SYNE1: variants seen among roughly 807,000 people sequenced by gnomAD.
SYNE1 encodes the protein nesprin-1.
A neutral mutation model predicts 1,111.0 loss-of-function variants in SYNE1; 616 were observed. The observed-to-expected ratio is 0.55, with a 90% confidence interval of 0.52 to 0.59. The LOEUF is 0.59. SYNE1 is among the 20% of genes least tolerant of loss of function. The pLI is 0.00. For missense variants in SYNE1, 10,006 were observed against 10,417.0 expected (o/e 0.96, Z 1.72); for synonymous variants, 3,855 against 3,825.8 (o/e 1.01, Z -0.28).
At chr6:152,301,619 G>T (rs1157423752) in intron 92 of SYNE1, among the ~76,000 whole-genome samples, 1 of 152,194 alleles carries the variant, frequency 6.6e-6, no homozygotes, top group Non-Finnish European at 1.5e-5. Context: ...AACAAATACA[G>T]GGTAGACCTC....
intron 129 of SYNE1, among the ~76,000 whole-genome samples, chr6:152,177,875 T>C (rs1006824073): frequency 2.6e-5 from 4 of 152,214 alleles, no homozygotes; most frequent in African/African-American, 7.2e-5. Flanking sequence ...CAGACACTAA[T>C]ATCTTGGCTT....
intron 3 of SYNE1, among the ~76,000 whole-genome samples, chr6:152,543,041 G>C (rs893982379): frequency 6.6e-6 from 1 of 151,938 alleles, no homozygotes; most frequent in Non-Finnish European, 1.5e-5. Context: ...TATATAATCT[G>C]ATGATATATT....
intron 27 of SYNE1, 25 bp downstream of exon 27, chr6:152,450,597 CCCT>C (rs756862182): frequency 2.5e-6 from 4 of 1,579,906 alleles, no homozygotes; most frequent in Non-Finnish European, 3.5e-6. Flanking sequence ...TTGACTACAC[CCCT>C]CTCTGGAGGC....
intron 95 of SYNE1, among the ~76,000 whole-genome samples, chr6:152,288,588 C>G (rs2094444451): frequency 6.6e-6 from 1 of 152,104 alleles, no homozygotes. Flanking sequence ...GCTCTGTCAC[C>G]CAGGCTGGAG....
intron 10 of SYNE1, among the ~76,000 whole-genome samples, chr6:152,501,700 A>C (rs1223399623): frequency 4.0e-5 from 6 of 151,590 alleles, no homozygotes; most frequent in Middle Eastern, 6.8e-3. Flanking sequence ...GTGCTACTGC[A>C]CTCCAGCCTG....
intron 137 of SYNE1, 180 bp downstream of exon 137, chr6:152,147,865 A>G: frequency 1.6e-6 from 1 of 637,760 alleles, no homozygotes; most frequent in South Asian, 1.9e-5. Context: ...GGAATAAATC[A>G]ACGGCCACAC....
At chr6:152,445,259 G>A (rs1218846723) in intron 29 of SYNE1, among the ~76,000 whole-genome samples, 1 of 151,962 alleles carries the variant, frequency 6.6e-6, no homozygotes, top group East Asian at 1.9e-4. Flanking sequence ...GAAAACATTT[G>A]TAGAGTTGAA....
At chr6:152,631,254 C>T (rs748314546) in intron 2 of SYNE1, among the ~76,000 whole-genome samples, 11 of 152,084 alleles carry the variant, frequency 7.2e-5, no homozygotes, top group South Asian at 4.2e-4. Context: ...GTGAAACATA[C>T]GAAAGACACA....
At chr6:152,593,590 A>G (rs888457190) in intron 3 of SYNE1, among the ~76,000 whole-genome samples, 8 of 152,076 alleles carry the variant, frequency 5.3e-5, no homozygotes, top group African/African-American at 1.9e-4. Flanking sequence ...AAAAAAAAAA[A>G]TGACATAGCT....
At chr6:152,482,654 T>A (rs2098913768) in intron 14 of SYNE1, among the ~76,000 whole-genome samples, 1 of 152,092 alleles carries the variant, frequency 6.6e-6, no homozygotes, top group Non-Finnish European at 1.5e-5. Flanking sequence ...CACCACTTCC[T>A]ACAGCCTCCA....
chr6:152,152,045 A>T lies in SYNE1; in HGVS notation c.24226T>A (p.Cys8076Ser), dbSNP rs756023993. 6.2e-7 allele frequency: 1 copy of T among 1,614,076 alleles called. No homozygotes were observed. ...LARENRTDSA[C>S]SLKQMVHEGN... ...TCGTGAACCATCTGTTTGAGGCTAC[A>T]TGCTGAATCAGTGCGGTTCTCCCTG... Residue 8076 changes from cysteine to serine, a missense_variant, in exon 134 of 146, where the codon TGT (cysteine) becomes AGT (serine). Coordinates refer to ENST00000367255, the MANE Select transcript of SYNE1 (RefSeq NM_182961.4).
intron 16 of SYNE1, among the ~76,000 whole-genome samples, chr6:152,468,658 G>T (rs2098786023): frequency 6.6e-6 from 1 of 152,140 alleles, no homozygotes; most frequent in Non-Finnish European, 1.5e-5. Context: ...TTGCAGGACG[G>T]ATAAGTCTGA....
intron 3 of SYNE1, among the ~76,000 whole-genome samples, chr6:152,595,745 T>G (rs1288483303): frequency 6.6e-6 from 1 of 152,138 alleles, no homozygotes; most frequent in African/African-American, 2.4e-5. Context: ...CTGGAAACTT[T>G]ACAGCAGCAG....
At chr6:152,377,604 G>A (rs532269225) in intron 56 of SYNE1, among the ~76,000 whole-genome samples, 12 of 60,750 alleles carry the variant, frequency 2.0e-4, no homozygotes, top group Admixed American at 2.9e-4. Context: ...ACGAAACTCC[G>A]TCTTAAAAAA....
Position 152,488,385 on chromosome 6 carries a change from C to G in SYNE1, c.1047+11G>C, listed in dbSNP as rs1177676330. 1.4e-6 allele frequency: 2 copies of G among 1,463,062 alleles called. No individual in the cohort carries two copies. Among genetic ancestry groups the G allele is most frequent in the Admixed American group, 3.4e-5 (2 of 59,048 alleles). 90.6% of individuals were successfully genotyped at this position (1,463,062 alleles called of 1,614,324 possible). A position where few individuals can be genotyped will look rare whatever the true frequency, so the allele number is the denominator to read the frequency against. On this transcript the variant is annotated intron_variant, in intron 12 of 145. Coordinates refer to ENST00000367255, the MANE Select transcript of SYNE1 (RefSeq NM_182961.4). ...CTTTTGAAAAATTCAAAAATCTTCT[C>G]CATACAATACCTGATATTTATCCTG...
At chr6:152,595,062 T>C (rs935984231) in intron 3 of SYNE1, among the ~76,000 whole-genome samples, 2 of 152,220 alleles carry the variant, frequency 1.3e-5, no homozygotes, top group African/African-American at 4.8e-5. Context: ...GTTTTTGGCT[T>C]GTTATTTACC....
At position 152,213,693 on chromosome 6, in the gene SYNE1, G is replaced by T. The variant is rs1446706133; in HGVS notation, c.22413C>A (p.Phe7471Leu). ...FLEKCETWME[F>L]LVQTEQKLAV... ...CTAACTTTTGTTCTGTCTGAACTAGGAATTCCATCCATGTTTCACATTTTT... is the reference window on the plus strand; with the variant it reads ...CTAACTTTTGTTCTGTCTGAACTAGTAATTCCATCCATGTTTCACATTTTT... Residue 7471 changes from phenylalanine to leucine, a missense_variant, in exon 123 of 146, where the codon TTC becomes TTA. Phe to Leu is a conservative substitution (Grantham distance 22, BLOSUM62 0). This residue lies in a region of SYNE1 where 2,182 missense variants were observed against 2,287.8 expected (regional missense o/e 0.95). Transcript: ENST00000367255. 6.2e-7 allele frequency: 1 copy of T among 1,613,880 alleles called. No individual in the cohort carries two copies. The highest frequency in any genetic ancestry group is 1.3e-5 in the African/African-American group (1 of 74,868).
At chr6:152,633,991 A>G (rs1408537160) in intron 2 of SYNE1, among the ~76,000 whole-genome samples, 1 of 152,254 alleles carries the variant, frequency 6.6e-6, no homozygotes, top group Non-Finnish European at 1.5e-5. Flanking sequence ...TCTTCTTAAC[A>G]TCACTCCCTG....
chr6:152,309,761 C>A, intron 90 of SYNE1, 74 bp downstream of exon 90: 2 of 1,585,024 alleles, frequency 1.3e-6, no homozygotes, highest in Non-Finnish European at 1.7e-6. Flanking sequence ...GATGGCTGAG[C>A]CCACACAATG....
Sources: allele counts gnomAD v4.1 joint callset (sites outside exome capture counted in the v4.1 genomes callset), GRCh38; gene constraint gnomAD v4.1.1; regional missense constraint gnomAD v4.1.1; transcripts MANE v1.5; gene names NCBI Gene and HGNC (gene_info 2026-07-23, HGNC 2026-07-21).